The following PIAS1 variants were observed in gnomAD, a reference collection of about 807,000 sequenced individuals.
The protein encoded by PIAS1 is protein inhibitor of activated STAT 1.
A neutral mutation model predicts 71.3 loss-of-function variants in PIAS1; 6 were observed. The observed-to-expected ratio is 0.08, with a 90% CI of 0.05 to 0.17. The LOEUF (loss-of-function observed/expected upper bound fraction) is 0.17, where lower values mean the gene tolerates loss of function less well. Among genes scored for constraint, PIAS1 ranks in the 10% least tolerant of loss-of-function variants. PIAS1 has a pLI of 1.00. For missense variants in PIAS1, 555 were observed against 793.6 expected (o/e 0.70, Z 3.61); for synonymous variants, 303 against 292.9 (o/e 1.03, Z -0.35).
chr15:68,184,834 T>G (rs1439821800), intron 13 of PIAS1: 1 of 153,396 alleles, frequency 6.5e-6, no homozygotes, highest in African/African-American at 2.4e-5. Flanking sequence ...GGGGCCATAT[T>G]GCAGGCTACA....
At position 68,187,776 on chromosome 15, in the gene PIAS1, A is replaced by G. The variant is rs777448223; in HGVS notation, c.1897A>G (p.Ser633Gly). Residue 633 changes from serine (S) to glycine (G), a missense_variant, in exon 14 of 14, where the codon AGC becomes GGC. Around this residue, in one of 5 missense-constraint regions of PIAS1, gnomAD observed 244 missense variants for 307.5 expected, o/e 0.79. Coordinates refer to ENST00000249636, the MANE Select transcript of PIAS1 (RefSeq NM_016166.3). This position sits in a 1 kb window ranked among gnomAD's most constrained non-coding sequence, Gnocchi z 5.3. ...ESHSHTVTNR[S>G]STDTASIFGI... ...CCATAGCCACACCGTCACAAACAGG[A>G]GCAGCACGGACACGGCATCCATCTT... 2 of 1,613,992 alleles carry G rather than the reference A, an allele frequency of 1.2e-6. No individual in the cohort carries two copies. Among genetic ancestry groups the G allele is most frequent in the South Asian group, 2.2e-5 (2 of 91,076 alleles).
intron 1 of PIAS1, among the ~76,000 whole-genome samples, chr15:68,055,620 CTG>C (rs946847976): frequency 2.0e-5 from 3 of 152,172 alleles, no homozygotes; most frequent in African/African-American, 4.8e-5. Flanking sequence ...GCGATCTTCT[CTG>C]TGGCTTCCTG....
Position 68,142,000 on chromosome 15 carries a change from CACA to C in PIAS1, c.529_531del (p.Gln177del). On this transcript the variant is annotated inframe_deletion, in exon 3 of 14. Coordinates refer to ENST00000249636, the MANE Select transcript of PIAS1 (RefSeq NM_016166.3). ...ACCTGTTTTGCATTTGCCTTGACAC[CACA>C]ACAAGTGCAGCAAATCAGTAGTTCC... is the stretch of plus-strand genomic sequence containing the variant. 1 of 1,604,434 alleles carries C rather than the reference CACA, an allele frequency of 6.2e-7. No homozygotes were observed. Among genetic ancestry groups the C allele is most frequent in the Non-Finnish European group, 8.5e-7 (1 of 1,174,728 alleles).
chr15:68,061,924 G>A (rs959743453), intron 1 of PIAS1, among the ~76,000 whole-genome samples: 9 of 152,166 alleles, frequency 5.9e-5, no homozygotes, highest in African/African-American at 2.2e-4. Flanking sequence ...GTTGGCTGGT[G>A]TTCTGTTTGT....
chr15:68,057,170 A>G (rs567395549), intron 1 of PIAS1, among the ~76,000 whole-genome samples: 1 of 152,356 alleles, frequency 6.6e-6, no homozygotes, highest in South Asian at 2.1e-4. Context: ...GCAAGCTGCA[A>G]CACTTCAAGA....
intron 2 of PIAS1, among the ~76,000 whole-genome samples, chr15:68,105,418 T>C (rs1314670347): frequency 2.6e-5 from 4 of 152,108 alleles, no homozygotes; most frequent in Non-Finnish European, 5.9e-5. Context: ...ATTATATTTA[T>C]GTACATGATT....
chr15:68,125,118 A>G (rs1321442482), intron 2 of PIAS1, among the ~76,000 whole-genome samples: 1 of 152,148 alleles, frequency 6.6e-6, no homozygotes, highest in African/African-American at 2.4e-5. Flanking sequence ...CATTTCTTGA[A>G]TACCTTTTTA....
At position 68,193,673 on chromosome 15, in the gene PIAS1, G is replaced by T. The variant is rs1462099835; in HGVS notation, c.*5838G>T. The T allele has an allele frequency of 2.6e-5, 6 of 228,566 alleles. No individual in the cohort carries two copies. The highest frequency in any genetic ancestry group is 4.3e-5 in the Non-Finnish European group (5 of 115,412). The allele number at this position is 228,566 out of a possible 1,614,324, so 14.2% of individuals were successfully genotyped here. On this transcript the variant is annotated 3_prime_UTR_variant, in exon 14 of 14. Transcript: ENST00000249636. ...AAGAAGTGGGAATCCAGCTTGTGTG[G>T]GGGGGCTTTGAGGAGTGAAATGATT...
intron 2 of PIAS1, among the ~76,000 whole-genome samples, chr15:68,099,896 TC>T (rs1483499818): frequency 6.6e-6 from 1 of 152,210 alleles, no homozygotes; most frequent in African/African-American, 2.4e-5. Context: ...TGAACATCTT[TC>T]CACATACTTA....
chr15:68,157,993 A>G lies in PIAS1; in HGVS notation c.934+4298A>G, dbSNP rs555197988. Reference sequence around the variant, plus strand: ...ATATCCTGCTTTTATTTTAAAAACCATTCTTAGATAAAACATCCCTCTCCT... The same window carrying G: ...ATATCCTGCTTTTATTTTAAAAACCGTTCTTAGATAAAACATCCCTCTCCT... On this transcript the variant is annotated intron_variant, in intron 7 of 13. Coordinates refer to ENST00000249636, the MANE Select transcript of PIAS1 (RefSeq NM_016166.3). Among the ~76,000 whole-genome samples the G allele has an allele frequency of 5.2e-3, 789 of 152,306 alleles. 6 individuals carry two copies. Among genetic ancestry groups the G allele is most frequent in the African/African-American group, 0.018 (757 of 41,576 alleles).
chr15:68,104,458 A>G (rs2092452941), intron 2 of PIAS1, among the ~76,000 whole-genome samples: 1 of 152,206 alleles, frequency 6.6e-6, no homozygotes, highest in African/African-American at 2.4e-5. Flanking sequence ...AAGAGTAATT[A>G]CTGTGTCTTG....
chr15:68,141,335 C>T (rs2092768578), intron 2 of PIAS1, among the ~76,000 whole-genome samples: 1 of 152,118 alleles, frequency 6.6e-6, no homozygotes, highest in South Asian at 2.1e-4. Flanking sequence ...CTCTTCCCCT[C>T]CCTTCCTTCC....
rs527825405 is a variant in PIAS1 at position 68,143,552 on chromosome 15, A to G, written c.602+1215A>G. ...AGTTTCAGTTTTGGAAGGCACTGCT[A>G]AAGATGATTCTGTATAAAAGGTATA... On this transcript the variant is annotated intron_variant, in intron 4 of 13. Transcript: ENST00000249636. 1.9e-4 allele frequency among the ~76,000 whole-genome samples: 29 copies of G among 152,270 alleles called. No individual in the cohort carries two copies. The South Asian group carries it at 4.6e-3, about 24-fold the overall frequency.
At chr15:68,106,759 G>T (rs1326432838) in intron 2 of PIAS1, among the ~76,000 whole-genome samples, 3 of 152,204 alleles carry the variant, frequency 2.0e-5, no homozygotes, top group Non-Finnish European at 2.9e-5. Context: ...AGTGAAGGGG[G>T]ATTAGGCTCT....
chr15:68,173,984 A>T lies in PIAS1; in HGVS notation c.1169+92A>T, dbSNP rs1263454236. ...AGATTTGGGATGAAAATTCTAAGTTATATATTTGTAGGATTTTTGTGAGTC... is the reference window on the plus strand; with the variant it reads ...AGATTTGGGATGAAAATTCTAAGTTTTATATTTGTAGGATTTTTGTGAGTC... On this transcript the variant is annotated intron_variant, in intron 9 of 13. Coordinates refer to ENST00000249636, the MANE Select transcript of PIAS1 (RefSeq NM_016166.3). The surrounding 1 kb of genome is among the most constrained non-coding windows in gnomAD (Gnocchi z 4.3). 3.8e-6 allele frequency: 3 copies of T among 780,656 alleles called. No homozygotes were observed. The highest frequency in any genetic ancestry group is 3.6e-5 in the African/African-American group (2 of 55,644). The allele number at this position is 780,656 out of a possible 1,614,324, so 48.4% of individuals were successfully genotyped here.
intron 1 of PIAS1, among the ~76,000 whole-genome samples, chr15:68,072,635 T>C (rs1203147254): frequency 1.3e-5 from 2 of 152,244 alleles, no homozygotes; most frequent in African/African-American, 4.8e-5. Flanking sequence ...CACATCCAAG[T>C]CTTTTCAAAT....
chr15:68,157,678 G>A (rs2092900190), intron 7 of PIAS1, among the ~76,000 whole-genome samples: 1 of 152,100 alleles, frequency 6.6e-6, no homozygotes, highest in Admixed American at 6.5e-5. Flanking sequence ...ATTCTCTTAA[G>A]GGAAGCATTC....
chr15:68,068,634 G>A (rs574145839), intron 1 of PIAS1, among the ~76,000 whole-genome samples: 1 of 151,926 alleles, frequency 6.6e-6, no homozygotes, highest in Non-Finnish European at 1.5e-5. Context: ...TGTATTTTTA[G>A]TAGAGAAGGG....
At chr15:68,149,525 A>G (rs2092831565) in intron 6 of PIAS1, among the ~76,000 whole-genome samples, 1 of 151,924 alleles carries the variant, frequency 6.6e-6, no homozygotes, top group East Asian at 1.9e-4. Flanking sequence ...GTATTTTCAA[A>G]TCTTCTTTTA....
Sources: allele counts gnomAD v4.1 joint callset (sites outside exome capture counted in the v4.1 genomes callset), GRCh38; gene constraint gnomAD v4.1.1; regional missense constraint gnomAD v4.1.1; non-coding constraint Gnocchi (gnomAD v3.1); transcripts MANE v1.5; gene names NCBI Gene and HGNC (gene_info 2026-07-23, HGNC 2026-07-21).